KMT2D: variants seen among roughly 807,000 people sequenced by gnomAD.
The protein encoded by KMT2D is histone-lysine N-methyltransferase 2D.
KMT2D carries 55 observed loss-of-function variants against 512.7 expected under a neutral mutation model. The ratio of observed to expected loss-of-function variants is 0.11; its 90% CI spans 0.09 to 0.13. The LOEUF is 0.13. Ranked by LOEUF, KMT2D falls within the 10% of genes least tolerant of loss-of-function variation. The pLI, the probability that KMT2D is intolerant of heterozygous loss-of-function variation, is 1.00. For synonymous variants in KMT2D, 2,995 were observed against 2,904.0 expected, an observed-to-expected ratio of 1.03 and a Z score of -1.01; for missense variants, 6,061 against 7,127.9, an observed-to-expected ratio of 0.85 and a Z score of 5.39.
rs1488501817 is a variant in KMT2D, at chr12:49,052,143, G to A, written c.1540C>T (p.Pro514Ser). 6.2e-7 allele frequency: 1 copy of A among 1,613,478 alleles called. No homozygotes were observed. The highest frequency in any genetic ancestry group is 1.7e-5 in the Admixed American group (1 of 59,980). ...GGAGACAAGGGCGACTCCTCCAGTG[G>A]AGAAAAAGGTGATGATTCAGGTGGG... ...SPPPESSPFS[P>S]LEESPLSPPE... Residue 514 changes from proline to serine, a missense_variant, in exon 11 of 55, where the codon CCA becomes TCA. Physicochemically the swap from Pro to Ser is moderately conservative, Grantham distance 74. Transcript: ENST00000301067.
chr12:49,045,596 C>T (rs972700098), intron 19 of KMT2D, among the ~76,000 whole-genome samples: 1 of 147,246 alleles, frequency 6.8e-6, no homozygotes, highest in African/African-American at 2.6e-5. Context: ...ATGTGCCAAG[C>T]TTGTGCCACT....
chr12:49,047,867 A>G, intron 15 of KMT2D, 98 bp downstream of exon 15: 2 of 822,170 alleles, frequency 2.4e-6, no homozygotes. Context: ...ACCATGACCG[A>G]TGGCCGCTTT....
rs764604229 is a variant in KMT2D at position 49,041,330 on chromosome 12, G to A, written c.6440C>T (p.Ala2147Val). ...CGAGTCAGGGCCAGGCACCGAGCCC[G>A]CCGGCGGCTTCAGGAACCCGTCCGC... ...TSADGFLKPPAGSVPGPDSPG... is the reference protein window; with the variant it reads ...TSADGFLKPPVGSVPGPDSPG... The change falls in exon 32 of 55, where the codon GCG (alanine) becomes GTG (valine). Residue 2147 changes from alanine to valine, a missense_variant. Around this residue, in one of 16 missense-constraint regions of KMT2D, gnomAD observed 710 missense variants for 647.3 expected, o/e 1.10. Coordinates refer to ENST00000301067, the MANE Select transcript of KMT2D (RefSeq NM_003482.4). This position sits in a 1 kb window ranked among gnomAD's most constrained non-coding sequence, Gnocchi z 5.4. 2.5e-5 allele frequency: 39 copies of A among 1,542,016 alleles called. No individual in the cohort carries two copies. Among genetic ancestry groups the A allele is most frequent in the Middle Eastern group, 1.7e-4 (1 of 5,756 alleles).
rs373274684 is a variant in KMT2D at position 49,046,132 on chromosome 12, A to G, written c.4626T>C (p.Asp1542=). The part of the protein sequence containing the change: ...AGCESLFTED[D]VEQAADEGFD... ...AGCCTTCATCGGCTGCCTGCTCCAC[A>G]TCGTCCTCTGTGAAGAGGCTCTCAC... The change falls in exon 18 of 55, where the codon GAT becomes GAC. Residue 1542 remains aspartate, a synonymous_variant. Transcript: ENST00000301067. This position sits in a 1 kb window ranked among gnomAD's most constrained non-coding sequence, Gnocchi z 4.2. 9 of 1,610,890 alleles carry G rather than the reference A, an allele frequency of 5.6e-6. No individual in the cohort carries two copies. Among genetic ancestry groups the G allele is most frequent in the East Asian group, 2.2e-5 (1 of 44,812 alleles).
At position 49,036,560 on chromosome 12, in the gene KMT2D, C is replaced by T. The variant is rs369929061; in HGVS notation, c.10231+565G>A. ...CTGGAGTGCAATGAGGCGATCTCGG[C>T]TCACCACAACCTCTGCCTCATGGGT... On this transcript the variant is annotated intron_variant, in intron 35 of 54. Coordinates refer to ENST00000301067, the MANE Select transcript of KMT2D (RefSeq NM_003482.4). 2.1e-5 allele frequency among the ~76,000 whole-genome samples: 3 copies of T among 144,502 alleles called. No individual in the cohort carries two copies. The East Asian group carries it at 6.1e-4, about 30-fold the overall frequency. 94.8% of individuals were successfully genotyped at this position (144,502 alleles called of 152,430 possible).
In KMT2D at chr12:49,037,728, G is replaced by A. The variant is rs781109340; in HGVS notation, c.9628C>T (p.Leu3210=). The change falls in exon 35 of 55, where the codon CTG becomes TTG. Residue 3210 remains leucine (L), a synonymous_variant. Transcript: ENST00000301067. Reference sequence around the variant, plus strand: ...CCACTCTCGAGCTCAAACTTTTCCAGCAGGGAGGATCCTCCTGGGCCACTC... The same window carrying A: ...CCACTCTCGAGCTCAAACTTTTCCAACAGGGAGGATCCTCCTGGGCCACTC... ...PLSGPGGSSL[L]EKFELESGAL... is the part of the protein sequence containing the mutation. 4.4e-6 allele frequency: 7 copies of A among 1,588,274 alleles called. No individual in the cohort carries two copies. The South Asian group carries it at 8.0e-5, about 18-fold the overall frequency.
intron 41 of KMT2D, 54 bp downstream of exon 41, chr12:49,030,839 A>C: frequency 6.2e-7 from 1 of 1,612,140 alleles, no homozygotes; most frequent in Non-Finnish European, 8.5e-7. Context: ...GCTGGGGGAC[A>C]GGGTGCCCCC....
chr12:49,021,071 C>CA lies in KMT2D; in HGVS notation c.*708dup. 1 of 199,660 alleles carries CA rather than the reference C, an allele frequency of 5.0e-6. No individual in the cohort carries two copies. Among genetic ancestry groups the CA allele is most frequent in the African/African-American group, 2.3e-5 (1 of 43,510 alleles). 12.4% of individuals were successfully genotyped at this position (199,660 alleles called of 1,614,324 possible). A position where few individuals can be genotyped will look rare whatever the true frequency, so the allele number is the denominator to read the frequency against. On this transcript the variant is annotated 3_prime_UTR_variant, in exon 55 of 55. Coordinates refer to ENST00000301067, the MANE Select transcript of KMT2D (RefSeq NM_003482.4). ...GGGGCTTGGAGAGGGTCTCACATTT[C>CA]AAAACAGCAAAAAATCCAACACTTA... is the stretch of plus-strand genomic sequence containing the variant.
chr12:49,024,351 G>A lies in KMT2D; in HGVS notation c.16052+227C>T, dbSNP rs576556380. ...AGTTTACCCATTACCTCCCCAGGGTGCCCAAGATAATTCTGTCCTATATCC... is the reference window on the plus strand; with the variant it reads ...AGTTTACCCATTACCTCCCCAGGGTACCCAAGATAATTCTGTCCTATATCC... On this transcript the variant is annotated intron_variant, in intron 51 of 54. Coordinates refer to ENST00000301067, the MANE Select transcript of KMT2D (RefSeq NM_003482.4). The surrounding 1 kb of genome is among the most constrained non-coding windows in gnomAD (Gnocchi z 4.5). Among the ~76,000 whole-genome samples the A allele has an allele frequency of 7.2e-5, 11 of 152,256 alleles. No individual in the cohort carries two copies. The South Asian group carries it at 1.0e-3, about 14-fold the overall frequency.
At chr12:49,049,628 A>G (rs1937800576) in intron 12 of KMT2D, 54 bp downstream of exon 12, 5 of 1,510,124 alleles carry the variant, frequency 3.3e-6, no homozygotes, top group Non-Finnish European at 4.4e-6. Context: ...ACAGGACTGT[A>G]CCTCTGACAG....
intron 1 of KMT2D, among the ~76,000 whole-genome samples, chr12:49,055,783 C>G (rs1002528790): frequency 2.6e-5 from 4 of 152,140 alleles, no homozygotes; most frequent in African/African-American, 9.7e-5. Context: ...CTGTGCCAAC[C>G]CAGGGGTAGT....
At chr12:49,049,311 G>C in intron 12 of KMT2D, 93 bp from the exon 13 acceptor site, 1 of 792,486 alleles carries the variant, frequency 1.3e-6, no homozygotes, top group East Asian at 2.7e-5. Context: ...AACGGACAGA[G>C]TAAGACAGGT....
chr12:49,059,402 C>T (rs1938603962), intron 1 of KMT2D, among the ~76,000 whole-genome samples: 1 of 152,142 alleles, frequency 6.6e-6, no homozygotes, highest in Admixed American at 6.5e-5. Flanking sequence ...CCTGAACCCC[C>T]AGTCTTTAAA....
Position 49,031,687 on chromosome 12 carries a change from G to A in KMT2D, c.13018C>T (p.His4340Tyr), listed in dbSNP as rs1942919037. ...CCCTGAGGTTTGGGGGTCCCTGGAT[G>A]GGTGGGAGGGAGCTGGGCCTCAGTG... The part of the protein sequence containing the change: ...LPTEAQLPPT[H>Y]PGTPKPQGPT... The change falls in exon 40 of 55, where the codon CAT becomes TAT. Residue 4340 changes from histidine to tyrosine, a missense_variant. By Grantham distance (83) the His-to-Tyr change is moderately conservative. Around this residue, in one of 16 missense-constraint regions of KMT2D, gnomAD observed 1,600 missense variants for 1,754.9 expected, o/e 0.91. Coordinates refer to ENST00000301067, the MANE Select transcript of KMT2D (RefSeq NM_003482.4). The A allele has an allele frequency of 2.5e-6, 4 of 1,611,802 alleles. No homozygotes were observed. The Admixed American group carries it at 5.0e-5, about 20-fold the overall frequency.
Position 49,040,915 on chromosome 12 carries a change from T to C in KMT2D, c.6855A>G (p.Leu2285=), listed in dbSNP as rs1266537084. ...PPPFGESRKA[L]EVKKEELGAS... is the part of the protein sequence containing the mutation. ...CCCCAAGCTCTTCCTTCTTCACCTC[T>C]AGGGCCTTCCGGGACTCCCCAAAAG... The change falls in exon 32 of 55, where the codon CTA becomes CTG. Residue 2285 remains leucine, a synonymous_variant. Coordinates refer to ENST00000301067, the MANE Select transcript of KMT2D (RefSeq NM_003482.4). 4 of 1,613,770 alleles carry C rather than the reference T, an allele frequency of 2.5e-6. No individual in the cohort carries two copies. The highest frequency in any genetic ancestry group is 3.4e-6 in the Non-Finnish European group (4 of 1,179,750).
rs367654835 is a variant in KMT2D at position 49,047,253 on chromosome 12, A to G, written c.4237-463T>C. On this transcript the variant is annotated intron_variant, in intron 15 of 54. Transcript: ENST00000301067. ...CTTAGGCAGAGCACCCTTGTCCCCA[A>G]AACAGTGACTCTAAACTTAGGCTCC... Among the ~76,000 whole-genome samples the G allele has an allele frequency of 1.8e-4, 28 of 152,158 alleles. No individual in the cohort carries two copies. In the South Asian group the frequency reaches 3.3e-3, roughly 18 times the overall value.
At position 49,027,861 on chromosome 12, in the gene KMT2D, G is replaced by C. The variant is rs746563322; in HGVS notation, c.14585C>G (p.Ala4862Gly). 1 of 1,609,424 alleles carries C rather than the reference G, an allele frequency of 6.2e-7. No individual in the cohort carries two copies. Among genetic ancestry groups the C allele is most frequent in the African/African-American group, 1.3e-5 (1 of 74,894 alleles). ...TGPDWLKQFD[A>G]VLPGYTLKSQ... ...CTTCAGGGTATAGCCAGGCAACACTGCATCAAACTGCTTCAGCCAATCAGG... is the reference window on the plus strand; with the variant it reads ...CTTCAGGGTATAGCCAGGCAACACTCCATCAAACTGCTTCAGCCAATCAGG... The change falls in exon 48 of 55, where the codon GCA becomes GGA. Residue 4862 changes from alanine (A) to glycine (G), a missense_variant. By Grantham distance (60) the Ala-to-Gly change is moderately conservative. Around this residue, in one of 16 missense-constraint regions of KMT2D, gnomAD observed 1,600 missense variants for 1,754.9 expected, o/e 0.91. Coordinates refer to ENST00000301067, the MANE Select transcript of KMT2D (RefSeq NM_003482.4).
At position 49,044,026 on chromosome 12, in the gene KMT2D, C is replaced by A; in HGVS notation, c.5189-28G>T. ...GTGGACAGAACGGAAGTGTCAGACT[C>A]GGGTTGAGAGCATGCTGCTCCCAAC... On this transcript the variant is annotated intron_variant, in intron 22 of 54. Transcript: ENST00000301067. The surrounding 1 kb of genome is among the most constrained non-coding windows in gnomAD (Gnocchi z 6.4). The A allele has an allele frequency of 2.5e-6, 4 of 1,612,760 alleles. No individual in the cohort carries two copies. The highest frequency in any genetic ancestry group is 3.4e-6 in the Non-Finnish European group (4 of 1,179,080).
rs1249028857 is a variant in KMT2D at position 49,052,353 on chromosome 12, G to A, written c.1330C>T (p.Pro444Ser). The A allele has an allele frequency of 1.3e-6, 2 of 1,553,678 alleles. No homozygotes were observed. The highest frequency in any genetic ancestry group is 1.7e-6 in the Non-Finnish European group (2 of 1,148,508). The change falls in exon 11 of 55, where the codon CCT (proline) becomes TCT (serine). Residue 444 changes from proline to serine, a missense_variant. By Grantham distance (74) the Pro-to-Ser change is moderately conservative. Transcript: ENST00000301067. ...GGTGGGGACAGGGGTGACTCCTCAG[G>A]TGGGGGCAGCAGTGGCATCTCCTCG... ...LNEEMPLLPP[P>S]EESPLSPPPE...
Sources: gnomAD v4.1 joint callset for allele counts (sites outside exome capture counted in the v4.1 genomes callset) on GRCh38, gnomAD v4.1.1 for gene constraint, gnomAD v4.1.1 regional missense constraint, Gnocchi (gnomAD v3.1) non-coding constraint, MANE v1.5 for transcripts, NCBI Gene and HGNC (gene_info 2026-07-23, HGNC 2026-07-21) for gene names.